NBEA: variants seen among roughly 807,000 people sequenced by gnomAD.
NBEA encodes the protein neurobeachin.
In NBEA, 44 loss-of-function variants were observed where a neutral mutation model predicts 343.4. The ratio of observed to expected loss-of-function variants is 0.13; its 90% CI spans 0.10 to 0.16. The LOEUF is 0.16. Among genes scored for constraint, NBEA ranks in the 10% least tolerant of loss-of-function variants. The pLI is 1.00. For missense variants in NBEA, 2,555 were observed against 3,631.3 expected (o/e 0.70, Z 7.62); for synonymous variants, 1,175 against 1,238.7 (o/e 0.95, Z 1.08).
At chr13:35,514,813 A>G (rs762445574) in intron 41 of NBEA, among the ~76,000 whole-genome samples, 2 of 152,168 alleles carry the variant, frequency 1.3e-5, no homozygotes, top group Non-Finnish European at 2.9e-5. Context: ...TTTTTCCAGT[A>G]GGGTAAGAGG....
At chr13:35,269,055 G>A (rs2033921070) in intron 34 of NBEA, among the ~76,000 whole-genome samples, 1 of 152,026 alleles carries the variant, frequency 6.6e-6, no homozygotes. Context: ...GATACCAGAT[G>A]GAAACATGGA....
chr13:35,004,354 G>C (rs796359706), intron 1 of NBEA, among the ~76,000 whole-genome samples: 3 of 151,936 alleles, frequency 2.0e-5, no homozygotes, highest in African/African-American at 7.2e-5. Context: ...GAATTGCCAC[G>C]GTGTTATATT....
Position 35,352,292 on chromosome 13 carries a change from A to G in NBEA, c.6148A>G (p.Lys2050Glu), listed in dbSNP as rs1026429293. Residue 2050 changes from lysine (K) to glutamate (E), a missense_variant, in exon 38 of 59, where the codon AAA becomes GAA. By Grantham distance (56) the Lys-to-Glu change is moderately conservative (BLOSUM62 1). Transcript: ENST00000379939. ...KQKILNILTN[K>E]HGAWGAVSHS... Reference sequence around the variant, plus strand: ...GAAGATTCTCAATATTCTCACAAATAAACATGGTGCTTGGGGAGCAGTTTC... The same window carrying G: ...GAAGATTCTCAATATTCTCACAAATGAACATGGTGCTTGGGGAGCAGTTTC... 4 of 1,534,714 alleles carry G rather than the reference A, an allele frequency of 2.6e-6. No homozygotes were observed.
intron 1 of NBEA, among the ~76,000 whole-genome samples, chr13:34,949,346 T>C (rs1468921688): frequency 6.6e-6 from 1 of 152,196 alleles, no homozygotes; most frequent in African/African-American, 2.4e-5. Context: ...CGAATTCAAC[T>C]CCTTTTACTT....
At chr13:35,647,998 T>C (rs2084321624) in intron 51 of NBEA, among the ~76,000 whole-genome samples, 1 of 151,908 alleles carries the variant, frequency 6.6e-6, no homozygotes, top group African/African-American at 2.4e-5. Flanking sequence ...TCCTCAGTCT[T>C]CCTAGTAGCT....
chr13:34,978,141 G>C (rs1387265693), intron 1 of NBEA, among the ~76,000 whole-genome samples: 1 of 152,128 alleles, frequency 6.6e-6, no homozygotes, highest in Non-Finnish European at 1.5e-5. Flanking sequence ...CAAACCTTGG[G>C]ATGGGCATAT....
intron 38 of NBEA, among the ~76,000 whole-genome samples, chr13:35,389,972 T>A (rs1381301485): frequency 6.7e-6 from 1 of 148,630 alleles, no homozygotes; most frequent in East Asian, 2.0e-4. Flanking sequence ...TTTTGTAGAG[T>A]GTGTGTGTGT....
At chr13:35,036,013 A>G (rs950591100) in intron 1 of NBEA, among the ~76,000 whole-genome samples, 5 of 151,852 alleles carry the variant, frequency 3.3e-5, no homozygotes, top group African/African-American at 4.8e-5. Context: ...TTTACATTCA[A>G]TGTTATTATT....
intron 1 of NBEA, among the ~76,000 whole-genome samples, chr13:35,033,757 T>C (rs1374811273): frequency 1.3e-5 from 2 of 151,914 alleles, no homozygotes; most frequent in East Asian, 3.8e-4. Context: ...TTTAATTTTA[T>C]GTGTGGCTAT....
intron 10 of NBEA, among the ~76,000 whole-genome samples, chr13:35,088,330 C>T (rs1290724442): frequency 2.0e-5 from 3 of 151,784 alleles, no homozygotes; most frequent in Non-Finnish European, 4.4e-5. Context: ...TTTGGACAGA[C>T]GTTATTTAGG....
At chr13:35,090,343 T>G (rs2065018810) in intron 10 of NBEA, among the ~76,000 whole-genome samples, 1 of 151,908 alleles carries the variant, frequency 6.6e-6, no homozygotes, top group South Asian at 2.1e-4. Context: ...CTGATAACAT[T>G]TAGTTGATTT....
At chr13:35,668,151 A>G (rs1593524894) in intron 57 of NBEA, among the ~76,000 whole-genome samples, 1 of 152,192 alleles carries the variant, frequency 6.6e-6, no homozygotes, top group East Asian at 1.9e-4. Flanking sequence ...TCTTTTGTAT[A>G]TGTAAGAACT....
intron 46 of NBEA, among the ~76,000 whole-genome samples, chr13:35,588,242 CA>C (rs2081371034): frequency 6.6e-6 from 1 of 151,940 alleles, no homozygotes; most frequent in African/African-American, 2.4e-5. Context: ...AGACTCAGCC[CA>C]AATATCTTAT....
chr13:35,290,785 A>T (rs543457367), intron 35 of NBEA, among the ~76,000 whole-genome samples: 7 of 151,214 alleles, frequency 4.6e-5, no homozygotes, highest in Admixed American at 2.0e-4. Context: ...TGTATTATTA[A>T]TTATCTTGTA....
chr13:35,493,245 G>T (rs1053544572), intron 41 of NBEA, among the ~76,000 whole-genome samples: 3 of 151,944 alleles, frequency 2.0e-5, no homozygotes, highest in Non-Finnish European at 4.4e-5. Flanking sequence ...AAGAGGGGTT[G>T]CTGGGATTTT....
chr13:35,573,197 TACTGTTTTAA>T (rs1205914845), intron 45 of NBEA, among the ~76,000 whole-genome samples: 2 of 152,230 alleles, frequency 1.3e-5, no homozygotes, highest in Non-Finnish European at 2.9e-5. Flanking sequence ...AGTGTTTGGA[TACTGTTTTAA>T]ACTCATGAGA....
chr13:35,646,384 T>G (rs766359472), intron 51 of NBEA, 36 bp downstream of exon 51: 1 of 1,495,506 alleles, frequency 6.7e-7, no homozygotes, highest in Non-Finnish European at 9.3e-7. Context: ...TTTTTTTTCT[T>G]TCCTTTTTAC....
At chr13:35,010,925 C>T (rs1170517322) in intron 1 of NBEA, among the ~76,000 whole-genome samples, 1 of 150,506 alleles carries the variant, frequency 6.6e-6, no homozygotes, top group Admixed American at 6.6e-5. Context: ...AAAAAAAGGG[C>T]TAGTAGCTCA....
At chr13:35,057,560 G>A (rs1187948886) in intron 7 of NBEA, among the ~76,000 whole-genome samples, 5 of 152,152 alleles carry the variant, frequency 3.3e-5, no homozygotes, top group Non-Finnish European at 4.4e-5. Flanking sequence ...TTTCTCTGCC[G>A]TAGAAACTTA....
Sources: gnomAD v4.1 joint callset for allele counts (sites outside exome capture counted in the v4.1 genomes callset) on GRCh38, gnomAD v4.1.1 for gene constraint, MANE v1.5 for transcripts, NCBI Gene and HGNC (gene_info 2026-07-23, HGNC 2026-07-21) for gene names.